The following ECPAS variants were observed in gnomAD, a reference collection of about 807,000 sequenced individuals.
The protein encoded by ECPAS is proteasome adapter and scaffold protein ECM29.
Under a neutral mutation model 255.1 loss-of-function variants are expected in ECPAS, and 70 were observed. The ratio of observed to expected loss-of-function variants is 0.27; its 90% CI spans 0.23 to 0.33. The LOEUF (loss-of-function observed/expected upper bound fraction) is 0.33, where lower values mean the gene tolerates loss of function less well. Among genes scored for constraint, ECPAS ranks in the 10% least tolerant of loss-of-function variants. The pLI, the probability that ECPAS is intolerant of heterozygous loss-of-function variation, is 1.00. For missense variants in ECPAS, 1,817 were observed against 2,206.4 expected (o/e 0.82, Z 3.54); for synonymous variants, 784 against 775.0 (o/e 1.01, Z -0.19).
At chr9:111,400,931 G>A (rs1030777973) in intron 24 of ECPAS, among the ~76,000 whole-genome samples, 1 of 152,058 alleles carries the variant, frequency 6.6e-6, no homozygotes, top group Non-Finnish European at 1.5e-5. Flanking sequence ...AGAACACCAA[G>A]AAAATTCAAT....
chr9:111,399,955 A>T (rs1328721745), intron 24 of ECPAS, among the ~76,000 whole-genome samples: 1 of 152,238 alleles, frequency 6.6e-6, no homozygotes, highest in East Asian at 1.9e-4. Context: ...CTGGTCTGGG[A>T]GGCCATGGGC....
intron 31 of ECPAS, among the ~76,000 whole-genome samples, chr9:111,387,307 G>C (rs568493626): frequency 6.6e-6 from 1 of 152,120 alleles, no homozygotes; most frequent in African/African-American, 2.4e-5. Context: ...GAGGGACAGA[G>C]TCTCACTCAT....
intron 46 of ECPAS, among the ~76,000 whole-genome samples, chr9:111,367,619 T>C (rs1378360801): frequency 6.6e-6 from 1 of 152,186 alleles, no homozygotes; most frequent in Non-Finnish European, 1.5e-5. Flanking sequence ...AATTTGTATC[T>C]TCTGGGAAAC....
intron 45 of ECPAS, among the ~76,000 whole-genome samples, chr9:111,370,050 G>T (rs1053423327): frequency 6.6e-6 from 1 of 152,220 alleles, no homozygotes; most frequent in African/African-American, 2.4e-5. Context: ...CAACAGGATG[G>T]CTATAAGTCA....
intron 25 of ECPAS, 74 bp downstream of exon 25, chr9:111,396,956 T>A (rs911637443): frequency 1.1e-4 from 169 of 1,558,358 alleles, no homozygotes; most frequent in Admixed American, 1.7e-4. Flanking sequence ...GTAATGTTTT[T>A]GCCTCAAATG....
chr9:111,429,074 T>C (rs2098225968), intron 9 of ECPAS, among the ~76,000 whole-genome samples: 1 of 152,232 alleles, frequency 6.6e-6, no homozygotes, highest in South Asian at 2.1e-4. Flanking sequence ...GCTTGAAAGC[T>C]AACTTTTATC....
At chr9:111,407,298 A>G (rs2131696221) in intron 24 of ECPAS, among the ~76,000 whole-genome samples, 1 of 143,740 alleles carries the variant, frequency 7.0e-6, no homozygotes, top group Non-Finnish European at 1.5e-5. Flanking sequence ...ACTACTTAGG[A>G]GGCTGACGAA....
At chr9:111,471,892 C>A (rs1180149230) in intron 2 of ECPAS, among the ~76,000 whole-genome samples, 1 of 151,930 alleles carries the variant, frequency 6.6e-6, no homozygotes, top group African/African-American at 2.4e-5. Flanking sequence ...AGCTTGAGCT[C>A]AGGAGTTCCA....
At position 111,408,598 on chromosome 9, in the gene ECPAS, G is replaced by C; in HGVS notation, c.2625C>G (p.Leu875=). The change falls in exon 24 of 50, where the codon CTC becomes CTG. Residue 875 remains leucine, a synonymous_variant. Coordinates refer to ENST00000684092, the MANE Select transcript of ECPAS (RefSeq NM_001364929.1). ...CCACAGAATCCATCAGACCTTGCAAGAGGAGTTTCTGGTGAGGAAAATCTC... is the reference window on the plus strand; with the variant it reads ...CCACAGAATCCATCAGACCTTGCAACAGGAGTTTCTGGTGAGGAAAATCTC... ...GDGDFPHQKL[L]LQGLMDSVEA... is the part of the protein sequence containing the mutation. 2 of 1,593,182 alleles carry C rather than the reference G, an allele frequency of 1.3e-6. No homozygotes were observed. The highest frequency in any genetic ancestry group is 2.3e-5 in the East Asian group (1 of 44,348).
intron 24 of ECPAS, among the ~76,000 whole-genome samples, chr9:111,398,623 G>A (rs1187969570): frequency 2.6e-5 from 4 of 152,002 alleles, no homozygotes; most frequent in Non-Finnish European, 5.9e-5. Flanking sequence ...TGGTTAACAG[G>A]TACAAAAAAA....
chr9:111,370,667 C>A (rs768588914), intron 44 of ECPAS, 40 bp from the exon 45 acceptor site: 5 of 1,605,286 alleles, frequency 3.1e-6, no homozygotes, highest in Non-Finnish European at 4.3e-6. Flanking sequence ...TTAATAAAGG[C>A]TGCAGTTTTC....
At chr9:111,362,563 A>C (rs2098115023) in intron 49 of ECPAS, among the ~76,000 whole-genome samples, 1 of 152,176 alleles carries the variant, frequency 6.6e-6, no homozygotes, top group Non-Finnish European at 1.5e-5. Flanking sequence ...TAAAAAAAAA[A>C]AACTTCTAAG....
chr9:111,384,997 T>C (rs1160182210), intron 33 of ECPAS, among the ~76,000 whole-genome samples: 3 of 152,202 alleles, frequency 2.0e-5, no homozygotes, highest in Admixed American at 1.3e-4. Context: ...TTCAGAGGAA[T>C]TGGCCACATT....
intron 27 of ECPAS, among the ~76,000 whole-genome samples, chr9:111,393,090 C>T (rs575263462): frequency 1.3e-5 from 2 of 152,330 alleles, no homozygotes; most frequent in East Asian, 1.9e-4. Context: ...ATGAGAACCA[C>T]ATTCACAGAA....
intron 49 of ECPAS, among the ~76,000 whole-genome samples, chr9:111,363,157 G>C (rs1382414196): frequency 6.6e-6 from 1 of 151,188 alleles, no homozygotes; most frequent in Non-Finnish European, 1.5e-5. Flanking sequence ...AGAGGTTAGG[G>C]GAGAAGAAAT....
chr9:111,366,041 A>C, intron 48 of ECPAS, 198 bp downstream of exon 48: 1 of 538,922 alleles, frequency 1.9e-6, no homozygotes, highest in Non-Finnish European at 3.3e-6. Flanking sequence ...AGGTTTTTCT[A>C]AACTAGATGC....
intron 48 of ECPAS, chr9:111,365,784 TGTACCGTG>T (rs1306552549): frequency 6.4e-6 from 1 of 155,414 alleles, no homozygotes; most frequent in Non-Finnish European, 1.4e-5. Flanking sequence ...AGTTGACAAC[TGTACCGTG>T]GCACACTAAA....
intron 15 of ECPAS, among the ~76,000 whole-genome samples, chr9:111,420,446 C>CGTGG (rs773169734): frequency 1.6e-3 from 237 of 152,228 alleles, no homozygotes; most frequent in Non-Finnish European, 2.9e-3. Flanking sequence ...CTTGGGACCA[C>CGTGG]GGTCACTGTG....
chr9:111,410,991 G>A lies in ECPAS; in HGVS notation c.2366C>T (p.Thr789Ile). The A allele has an allele frequency of 6.8e-6, 11 of 1,613,716 alleles. No homozygotes were observed. The highest frequency in any genetic ancestry group is 9.3e-6 in the Non-Finnish European group (11 of 1,179,726). The change falls in exon 22 of 50, where the codon ACA becomes ATA. Residue 789 changes from threonine to isoleucine, a missense_variant. Thr to Ile is a moderately conservative substitution (Grantham distance 89, BLOSUM62 -1). This residue lies in a region of ECPAS where 194 missense variants were observed against 152.8 expected (regional missense o/e 1.27). Coordinates refer to ENST00000684092, the MANE Select transcript of ECPAS (RefSeq NM_001364929.1). The stretch of plus-strand genomic sequence containing the variant: ...AAGACATTAATTACCTATTGTTTCT[G>A]TAGCACTCTGAATGAGTTCCTCTTG... Reference protein sequence around the residue: ...PDQEELIQSATETIGSFLDST... With the variant: ...PDQEELIQSAIETIGSFLDST...
Sources: allele counts gnomAD v4.1 joint callset (sites outside exome capture counted in the v4.1 genomes callset), GRCh38; gene constraint gnomAD v4.1.1; regional missense constraint gnomAD v4.1.1; transcripts MANE v1.5; gene names NCBI Gene and HGNC (gene_info 2026-07-23, HGNC 2026-07-21).